DERPC: variants seen among roughly 807,000 people sequenced by gnomAD.
The protein encoded by DERPC is DERPC proline and glycine rich nuclear protein, also known as decreased expression in renal and prostate cancer protein.
In DERPC, 1 loss-of-function variant was observed where a neutral mutation model predicts 7.2. The ratio of observed to expected loss-of-function variants is 0.14; its 90% CI spans 0.05 to 0.66. The LOEUF (loss-of-function observed/expected upper bound fraction) is 0.66. Ranked by LOEUF, DERPC falls within the 30% of genes least tolerant of loss-of-function variation. The pLI, the probability that DERPC is intolerant of heterozygous loss-of-function variation, is 0.84. For synonymous variants in DERPC, 185 were observed against 117.6 expected (o/e 1.57, Z -3.71); for missense variants, 502 against 299.4 (o/e 1.68, Z -4.99).
At position 69,119,493 on chromosome 16, in the gene DERPC, G is replaced by C. The variant is rs1961450663; in HGVS notation, c.936C>G (p.Pro312=). 1 of 703,048 alleles carries C rather than the reference G, an allele frequency of 1.4e-6. No individual in the cohort carries two copies. Among genetic ancestry groups the C allele is most frequent in the Non-Finnish European group, 2.6e-6 (1 of 385,028 alleles). The allele number at this position is 703,048 out of a possible 1,614,324, so 43.6% of individuals were successfully genotyped here. A position where few individuals can be genotyped will look rare whatever the true frequency, so the allele number is the denominator to read the frequency against. ...AGCTAGGACCCGAGTTTGGGCCCAT[G>C]GGGCCAGGTACTCTTGCCATGGAGG... is the stretch of plus-strand genomic sequence containing the variant. ...SPSSMARVPG[P]MGPNSGPSSR... is the part of the protein sequence containing the mutation. Residue 312 remains proline (P), a synonymous_variant, in exon 3 of 3, where the codon CCC becomes CCG. Transcript: ENST00000519520.
intron 1 of DERPC, among the ~76,000 whole-genome samples, chr16:69,131,822 C>T (rs1962546928): frequency 6.6e-6 from 1 of 151,836 alleles, no homozygotes; most frequent in Non-Finnish European, 1.5e-5. Context: ...TCCTCCAGGA[C>T]CCCACCCCAC....
intron 1 of DERPC, among the ~76,000 whole-genome samples, chr16:69,128,654 C>A (rs28657430): frequency 6.6e-6 from 1 of 152,290 alleles, no homozygotes; most frequent in African/African-American, 2.4e-5. Flanking sequence ...CAATCCTGAC[C>A]CACAATGGGA....
In DERPC at chr16:69,120,593, C is replaced by G. The variant is rs370669435; in HGVS notation, c.-165G>C. ...TGACAAGGACTGCAAAAGGTTTCTC[C>G]AGGTGGATGATTTTCCCATACAGGA... On this transcript the variant is annotated 5_prime_UTR_variant, in exon 3 of 3. Transcript: ENST00000519520. The surrounding 1 kb of genome is among the most constrained non-coding windows in gnomAD (Gnocchi z 4.0). The G allele has an allele frequency of 5.6e-6, 9 of 1,613,880 alleles. No homozygotes were observed. Among genetic ancestry groups the G allele is most frequent in the Non-Finnish European group, 6.8e-6 (8 of 1,179,924 alleles).
chr16:69,121,276 G>C, intron 2 of DERPC, 160 bp downstream of exon 2: 1 of 1,299,972 alleles, frequency 7.7e-7, no homozygotes, highest in Non-Finnish European at 1.1e-6. Flanking sequence ...TGGATGTCAA[G>C]TTCTTGGGAA....
At chr16:69,129,431 A>T (rs993479083) in intron 1 of DERPC, among the ~76,000 whole-genome samples, 7 of 76,866 alleles carry the variant, frequency 9.1e-5, no homozygotes, top group Non-Finnish European at 2.0e-4. Context: ...CTCCGTCACA[A>T]AAAAAAAAAA....
chr16:69,130,477 G>C (rs1962418257), intron 1 of DERPC, among the ~76,000 whole-genome samples: 1 of 152,106 alleles, frequency 6.6e-6, no homozygotes, highest in Non-Finnish European at 1.5e-5. Context: ...TTTGATCCCA[G>C]GGTGGATACT....
chr16:69,130,289 G>A (rs1230887492), intron 1 of DERPC, among the ~76,000 whole-genome samples: 3 of 151,690 alleles, frequency 2.0e-5, no homozygotes, highest in African/African-American at 7.3e-5. Context: ...TTTTAATAAA[G>A]CTAAACAACG....
Position 69,124,573 on chromosome 16 carries a change from G to A in DERPC, c.-279-3080C>T, listed in dbSNP as rs368850937. On this transcript the variant is annotated intron_variant, in intron 1 of 2. Coordinates refer to ENST00000519520, the MANE Select transcript of DERPC (RefSeq NM_001002847.4). Reference sequence around the variant, plus strand: ...TGAGTAGCTGGGATTACAGGCGCCCGCCACCACGCCAGGCTGGTCTCGAAC... The same window carrying A: ...TGAGTAGCTGGGATTACAGGCGCCCACCACCACGCCAGGCTGGTCTCGAAC... Among the ~76,000 whole-genome samples the A allele has an allele frequency of 1.9e-4, 29 of 151,852 alleles. No individual in the cohort carries two copies. In the East Asian group the frequency reaches 4.9e-3, roughly 26 times the overall value.
chr16:69,118,443 A>G lies in DERPC; in HGVS notation c.*411T>C. ...GAAGCATGGTCCGTTCACCAACGCCACGTTTCTAGAGAGCAGTGAGCTGAT... is the reference window on the plus strand; with the variant it reads ...GAAGCATGGTCCGTTCACCAACGCCGCGTTTCTAGAGAGCAGTGAGCTGAT... On this transcript the variant is annotated 3_prime_UTR_variant, in exon 3 of 3. Transcript: ENST00000519520. The G allele has an allele frequency of 1.2e-6, 2 of 1,609,568 alleles. No individual in the cohort carries two copies.
intron 1 of DERPC, chr16:69,132,063 C>G (rs1177598563): frequency 6.5e-6 from 1 of 153,846 alleles, no homozygotes; most frequent in Non-Finnish European, 1.4e-5. Context: ...CTCCCAACCC[C>G]GGGAAGAGCC....
chr16:69,120,738 G>T lies in DERPC; in HGVS notation c.-221-89C>A, dbSNP rs1961591947. 1.8e-6 allele frequency: 2 copies of T among 1,133,708 alleles called. No homozygotes were observed. Among genetic ancestry groups the T allele is most frequent in the African/African-American group, 1.5e-5 (1 of 65,028 alleles). The allele number at this position is 1,133,708 out of a possible 1,614,324, so 70.2% of individuals were successfully genotyped here. On this transcript the variant is annotated intron_variant, in intron 2 of 2. Coordinates refer to ENST00000519520, the MANE Select transcript of DERPC (RefSeq NM_001002847.4). The surrounding 1 kb of genome is among the most constrained non-coding windows in gnomAD (Gnocchi z 4.0). ...CCTAAAGCTGCTCTTGGCAGGCTAT[G>T]CTGGCACCTCCAATCCCTGGTCTGG...
In DERPC at chr16:69,118,127, A is replaced by AC. The variant is rs1597103494; in HGVS notation, c.*726dup. 8.9e-5 allele frequency: 13 copies of AC among 146,304 alleles called. No homozygotes were observed. Among genetic ancestry groups the AC allele is most frequent in the South Asian group, 1.9e-4 (3 of 15,980 alleles). The allele number at this position is 146,304 out of a possible 1,614,324, so 9.1% of individuals were successfully genotyped here. Reference sequence around the variant, plus strand: ...CAGTGATTTCTTCCCTTCATCCCCCACCCCCACCCTAATTCCCATATTCCC... The same window carrying AC: ...CAGTGATTTCTTCCCTTCATCCCCCACCCCCCACCCTAATTCCCATATTCCC... On this transcript the variant is annotated 3_prime_UTR_variant, in exon 3 of 3. Transcript: ENST00000519520.
At chr16:69,127,673 G>C (rs1267914583) in intron 1 of DERPC, among the ~76,000 whole-genome samples, 1 of 137,742 alleles carries the variant, frequency 7.3e-6, no homozygotes. Flanking sequence ...GCAGTGGCTC[G>C]ATCTCAGCTC....
Position 69,118,443 on chromosome 16 carries a change from AC to A in DERPC, c.*410del. On this transcript the variant is annotated 3_prime_UTR_variant, in exon 3 of 3. Coordinates refer to ENST00000519520, the MANE Select transcript of DERPC (RefSeq NM_001002847.4). ...GAAGCATGGTCCGTTCACCAACGCC[AC>A]GTTTCTAGAGAGCAGTGAGCTGATT... 6.2e-7 allele frequency: 1 copy of A among 1,609,568 alleles called. No individual in the cohort carries two copies. The highest frequency in any genetic ancestry group is 1.7e-4 in the Middle Eastern group (1 of 6,048).
chr16:69,124,307 T>C (rs1217785257), intron 1 of DERPC, among the ~76,000 whole-genome samples: 1 of 152,176 alleles, frequency 6.6e-6, no homozygotes, highest in Non-Finnish European at 1.5e-5. Flanking sequence ...TGTCAATGTA[T>C]TATGCAGTTT....
intron 1 of DERPC, among the ~76,000 whole-genome samples, chr16:69,125,016 T>C (rs1961957245): frequency 6.6e-6 from 1 of 152,144 alleles, no homozygotes; most frequent in Non-Finnish European, 1.5e-5. Context: ...GCAATTCTCA[T>C]GCCTCAGCCT....
At position 69,119,788 on chromosome 16, in the gene DERPC, C is replaced by T. The variant is rs1167479895; in HGVS notation, c.641G>A (p.Arg214Lys). The T allele has an allele frequency of 1.4e-6, 1 of 700,022 alleles. No individual in the cohort carries two copies. The highest frequency in any genetic ancestry group is 2.0e-5 in the Admixed American group (1 of 49,994). The allele number at this position is 700,022 out of a possible 1,614,324, so 43.4% of individuals were successfully genotyped here. Residue 214 changes from arginine (R) to lysine (K), a missense_variant, in exon 3 of 3, where the codon AGA (arginine) becomes AAA (lysine). Coordinates refer to ENST00000519520, the MANE Select transcript of DERPC (RefSeq NM_001002847.4). ...AGGGTTTGTCCCTAAAAAGCCTGAT[C>T]TCAGATTGGGGTTTGGTCCTGGGCC... Reference protein sequence around the residue: ...GLGPGPNPNLRSGFLGTNPAP... With the variant: ...GLGPGPNPNLKSGFLGTNPAP...
intron 1 of DERPC, among the ~76,000 whole-genome samples, chr16:69,126,975 G>A (rs553799608): frequency 3.3e-5 from 5 of 152,180 alleles, no homozygotes; most frequent in Admixed American, 6.5e-5. Context: ...GGCCGGGCGC[G>A]GTGGCTCATG....
Position 69,120,991 on chromosome 16 carries a change from G to T in DERPC, c.-221-342C>A. 1 of 1,399,486 alleles carries T rather than the reference G, an allele frequency of 7.1e-7. No individual in the cohort carries two copies. The highest frequency in any genetic ancestry group is 1.0e-6 in the Non-Finnish European group (1 of 983,958). The allele number at this position is 1,399,486 out of a possible 1,614,324, so 86.7% of individuals were successfully genotyped here. A position where few individuals can be genotyped will look rare whatever the true frequency, so the allele number is the denominator to read the frequency against. On this transcript the variant is annotated intron_variant, in intron 2 of 2. Coordinates refer to ENST00000519520, the MANE Select transcript of DERPC (RefSeq NM_001002847.4). This position sits in a 1 kb window ranked among gnomAD's most constrained non-coding sequence, Gnocchi z 4.0. ...GCAGTCCTCACTCTGGGTCCTGGGA[G>T]CACCACCTTGGTGTAGCTTGCTTTC...
Sources: allele counts gnomAD v4.1 joint callset (sites outside exome capture counted in the v4.1 genomes callset), GRCh38; gene constraint gnomAD v4.1.1; non-coding constraint Gnocchi (gnomAD v3.1); transcripts MANE v1.5; gene names NCBI Gene and HGNC (gene_info 2026-07-23, HGNC 2026-07-21).